The following PTK2 variants were observed in gnomAD, a reference collection of about 807,000 sequenced individuals.
PTK2 encodes protein tyrosine kinase 2.
Under a neutral mutation model 150.1 loss-of-function variants are expected in PTK2, and 45 were observed. That is an observed-to-expected ratio of 0.30 (90% CI 0.24 to 0.38). The LOEUF is 0.38. Among genes scored for constraint, PTK2 ranks in the 10% least tolerant of loss-of-function variants. The pLI, the probability that PTK2 is intolerant of heterozygous loss-of-function variation, is 1.00. For synonymous variants in PTK2, 432 were observed against 449.2 expected (o/e 0.96, Z 0.48); for missense variants, 919 against 1,307.3 (o/e 0.70, Z 4.58).
At chr8:140,820,078 T>G (rs867111682) in intron 8 of PTK2, among the ~76,000 whole-genome samples, 31 of 21,270 alleles carry the variant, frequency 1.5e-3, no homozygotes, top group South Asian at 0.01. Flanking sequence ...TGACTTTGGT[T>G]TTTTTTTTTT....
At chr8:140,769,736 C>T (rs566396800) in intron 14 of PTK2, 144 bp from the exon 16 acceptor site, 112 of 382,378 alleles carry the variant, frequency 2.9e-4, no homozygotes, top group South Asian at 2.8e-3. Flanking sequence ...ACAATTACCC[C>T]CCAGGGTTTA....
intron 22 of PTK2, among the ~76,000 whole-genome samples, chr8:140,720,483 C>T (rs1158332110): frequency 6.6e-6 from 1 of 152,018 alleles, no homozygotes; most frequent in African/African-American, 2.4e-5. Flanking sequence ...GTCACACTGA[C>T]ATCAGGTTTA....
At chr8:140,960,210 T>C (rs1240891495) in intron 1 of PTK2, among the ~76,000 whole-genome samples, 2 of 79,948 alleles carry the variant, frequency 2.5e-5, no homozygotes, top group Non-Finnish European at 6.4e-5. Context: ...TTTTTTTTTT[T>C]TTTTTTGAGA....
Position 140,731,011 on chromosome 8 carries a change from T to C in PTK2, c.2030+4240A>G, listed in dbSNP as rs117241795. Among the ~76,000 whole-genome samples the C allele has an allele frequency of 3.5e-3, 440 of 126,852 alleles. 6 individuals are homozygous for C. The East Asian group carries it at 0.091, about 26-fold the overall frequency. The allele number at this position is 126,852 out of a possible 152,430, so 83.2% of individuals were successfully genotyped here. On this transcript the variant is annotated intron_variant, in intron 22 of 31. Transcript: ENST00000522684. The stretch of plus-strand genomic sequence containing the variant: ...CTCACTCTTGTCTCCCGGGCTGGAG[T>C]GCAATGGCGCAATACCGGCTCACTG...
intron 24 of PTK2, among the ~76,000 whole-genome samples, chr8:140,704,038 T>C (rs1285398487): frequency 1.3e-5 from 2 of 152,214 alleles, no homozygotes; most frequent in Non-Finnish European, 2.9e-5. Flanking sequence ...GTAAGACATA[T>C]AGTTAGTTCT....
chr8:140,759,881 A>G (rs1029122090), intron 16 of PTK2, among the ~76,000 whole-genome samples: 1 of 151,514 alleles, frequency 6.6e-6, no homozygotes, highest in African/African-American at 2.4e-5. Context: ...AATAGTTACC[A>G]TATGATGAAG....
At chr8:140,960,726 A>C (rs369193384) in intron 1 of PTK2, among the ~76,000 whole-genome samples, 4 of 152,302 alleles carry the variant, frequency 2.6e-5, no homozygotes, top group African/African-American at 7.2e-5. Context: ...TCACTCTTGT[A>C]ATCCCAGCAC....
At chr8:140,675,039 C>G (rs1194867278) in intron 28 of PTK2, among the ~76,000 whole-genome samples, 3 of 149,274 alleles carry the variant, frequency 2.0e-5, no homozygotes, top group Non-Finnish European at 4.5e-5. Context: ...ACACTCCAGC[C>G]TGGGTGACAG....
intron 14 of PTK2, among the ~76,000 whole-genome samples, chr8:140,772,974 A>G (rs2100076362): frequency 1.3e-5 from 2 of 152,196 alleles, no homozygotes; most frequent in Non-Finnish European, 2.9e-5. Flanking sequence ...TTATTGTAAA[A>G]TGGGGTTATA....
chr8:140,677,066 A>C (rs1038672458), intron 27 of PTK2, among the ~76,000 whole-genome samples: 1 of 152,028 alleles, frequency 6.6e-6, no homozygotes, highest in African/African-American at 2.4e-5. Context: ...GCACTTATAC[A>C]CCTTAAATTT....
chr8:140,719,602 G>A (rs1158456480), intron 22 of PTK2, among the ~76,000 whole-genome samples: 1 of 152,254 alleles, frequency 6.6e-6, no homozygotes, highest in East Asian at 1.9e-4. Flanking sequence ...GTCATCAGTG[G>A]GTATTTCTGA....
At chr8:140,979,605 G>C (rs2100190629) in intron 1 of PTK2, among the ~76,000 whole-genome samples, 1 of 152,204 alleles carries the variant, frequency 6.6e-6, no homozygotes, top group South Asian at 2.1e-4. Flanking sequence ...AACAACAGGA[G>C]TGATACAGTT....
At chr8:140,850,033 C>T (rs62521878) in intron 5 of PTK2, among the ~76,000 whole-genome samples, 41,853 of 152,030 alleles carry the variant, frequency 0.28, 6,137 homozygotes, top group Admixed American at 0.38. Flanking sequence ...AACACTGGCA[C>T]TGTGTTGTAC....
intron 4 of PTK2, among the ~76,000 whole-genome samples, chr8:140,865,730 T>A (rs990934110): frequency 1.3e-5 from 2 of 152,198 alleles, no homozygotes; most frequent in African/African-American, 4.8e-5. Flanking sequence ...TATAACAGAT[T>A]TCATTTATTT....
At chr8:140,914,246 GT>G (rs2100164311) in intron 2 of PTK2, among the ~76,000 whole-genome samples, 1 of 151,942 alleles carries the variant, frequency 6.6e-6, no homozygotes, top group Admixed American at 6.6e-5. Context: ...AGGGATAACT[GT>G]TTTAAAGTTA....
intron 16 of PTK2, among the ~76,000 whole-genome samples, chr8:140,757,698 A>G (rs1216084598): frequency 6.6e-6 from 1 of 152,180 alleles, no homozygotes; most frequent in African/African-American, 2.4e-5. Flanking sequence ...CTGTTATTGT[A>G]ACTTTATTAG....
At chr8:140,685,743 G>T (rs191027183) in intron 27 of PTK2, among the ~76,000 whole-genome samples, 58 of 152,272 alleles carry the variant, frequency 3.8e-4, no homozygotes, top group African/African-American at 1.4e-3. Flanking sequence ...AAAATTAACA[G>T]ATGCAAGGTT....
exon 4 of PTK2, chr8:140,879,535 C>T (rs772561132): frequency 8.7e-6 from 14 of 1,613,798 alleles, no homozygotes; most frequent in Admixed American, 3.3e-5. Context: ...CCCATATCCA[C>T]GTGAAGCCAG....
chr8:140,956,534 G>A lies in PTK2; in HGVS notation c.-121-30785C>T, dbSNP rs142990035. Among the ~76,000 whole-genome samples the A allele has an allele frequency of 6.5e-3, 993 of 152,216 alleles. 11 individuals carry two copies. Among genetic ancestry groups the A allele is most frequent in the African/African-American group, 0.022 (929 of 41,522 alleles). On this transcript the variant is annotated intron_variant, in intron 1 of 31. Transcript: ENST00000522684. ...TTTTAATTATCATTGTAGAGTACAC[G>A]CCTTCTACTTATTTAAAAAGGACAA...
Sources: allele counts gnomAD v4.1 joint callset (sites outside exome capture counted in the v4.1 genomes callset), GRCh38; gene constraint gnomAD v4.1.1; transcripts MANE v1.5; gene names NCBI Gene and HGNC (gene_info 2026-07-23, HGNC 2026-07-21).